The following EBF1 variants were observed in gnomAD, a reference collection of about 807,000 sequenced individuals.
The protein encoded by EBF1 is transcription factor COE1.
Under a neutral mutation model 68.4 loss-of-function variants are expected in EBF1, and 10 were observed. That is an observed-to-expected ratio of 0.15 (90% CI 0.09 to 0.25). The LOEUF (loss-of-function observed/expected upper bound fraction) is 0.25. EBF1 is among the 10% of genes least tolerant of loss of function. The probability of loss-of-function intolerance (pLI) is 1.00; values close to 1 mark genes in which losing one functional copy is unlikely to be tolerated. For synonymous variants in EBF1, 298 were observed against 299.8 expected (o/e 0.99, Z 0.06); for missense variants, 509 against 794.4 (o/e 0.64, Z 4.32).
rs1173600001 is a variant in EBF1 at position 158,900,135 on chromosome 5, G to A, written c.555-60025C>T. On this transcript the variant is annotated intron_variant, in intron 6 of 15. Coordinates refer to ENST00000313708, the MANE Select transcript of EBF1 (RefSeq NM_024007.5). ...CCTACCGCTGCAGGAAATTTTTCAC[G>A]TGAAGACATTTTGAACCAGAAGAAT... 6.6e-5 allele frequency among the ~76,000 whole-genome samples: 10 copies of A among 152,270 alleles called. No individual in the cohort carries two copies. The East Asian group carries it at 7.7e-4, about 12-fold the overall frequency.
chr5:158,702,533 AAGAC>A (rs1161942424), intron 15 of EBF1, among the ~76,000 whole-genome samples: 1 of 152,116 alleles, frequency 6.6e-6, no homozygotes, highest in African/African-American at 2.4e-5. Context: ...GATAAAAACA[AAGAC>A]AAAACAAAGT....
chr5:159,099,365 G>A lies in EBF1; in HGVS notation c.114C>T (p.Asp38=). The A allele has an allele frequency of 1.3e-6, 2 of 1,593,392 alleles. No homozygotes were observed. Among genetic ancestry groups the A allele is most frequent in the South Asian group, 1.1e-5 (1 of 89,550 alleles). ...CCCACCTCTGCGCCGCCGTGTTGGC[G>A]TCCAGCACCCCGGCGCCCTGCATCC... The part of the protein sequence containing the change: ...RTWMQGAGVL[D]ANTAAQSGVG... Residue 38 remains aspartate (D), a synonymous_variant, in exon 1 of 16, where the codon GAC becomes GAT. Coordinates refer to ENST00000313708, the MANE Select transcript of EBF1 (RefSeq NM_024007.5).
At chr5:158,850,334 A>G (rs1462839142) in intron 6 of EBF1, among the ~76,000 whole-genome samples, 1 of 152,152 alleles carries the variant, frequency 6.6e-6, no homozygotes. Flanking sequence ...TCCTTATTCA[A>G]TAAGTATTTA....
chr5:159,037,815 AAAG>A (rs1014360831), intron 6 of EBF1, among the ~76,000 whole-genome samples: 5 of 152,164 alleles, frequency 3.3e-5, no homozygotes, highest in Non-Finnish European at 7.4e-5. Context: ...ATAATAAAAA[AAAG>A]AAGATCAGCT....
At chr5:159,010,714 T>C (rs1764480673) in intron 6 of EBF1, among the ~76,000 whole-genome samples, 1 of 152,196 alleles carries the variant, frequency 6.6e-6, no homozygotes. Context: ...ACCATCTCAA[T>C]GTCAGCTCCA....
intron 6 of EBF1, among the ~76,000 whole-genome samples, chr5:158,913,757 G>C (rs1040290829): frequency 6.6e-6 from 1 of 152,190 alleles, no homozygotes; most frequent in African/African-American, 2.4e-5. Context: ...CGAGTTCGTG[G>C]AGGCTTTTCA....
intron 6 of EBF1, among the ~76,000 whole-genome samples, chr5:159,024,275 C>T (rs963693894): frequency 1.3e-5 from 2 of 152,142 alleles, no homozygotes; most frequent in African/African-American, 2.4e-5. Context: ...GAAACTTCAC[C>T]TTCAAAAACT....
intron 6 of EBF1, among the ~76,000 whole-genome samples, chr5:158,954,766 C>G: frequency 6.6e-6 from 1 of 152,158 alleles, no homozygotes; most frequent in East Asian, 1.9e-4. Context: ...GAGGCACTGC[C>G]TTTCTGGACA....
intron 6 of EBF1, among the ~76,000 whole-genome samples, chr5:159,060,250 G>T (rs1275017816): frequency 6.6e-6 from 1 of 152,108 alleles, no homozygotes; most frequent in East Asian, 1.9e-4. Flanking sequence ...CTCCCTGTGA[G>T]AATAAATTTT....
intron 6 of EBF1, among the ~76,000 whole-genome samples, chr5:159,048,659 C>T (rs1772933520): frequency 6.6e-6 from 1 of 152,210 alleles, no homozygotes. Context: ...CCTCTTCTCT[C>T]TCCCTCATTT....
At chr5:158,951,275 T>C (rs1386390960) in intron 6 of EBF1, among the ~76,000 whole-genome samples, 2 of 152,222 alleles carry the variant, frequency 1.3e-5, no homozygotes, top group African/African-American at 2.4e-5. Context: ...GGCTCTATTA[T>C]ATATTGCCAT....
chr5:158,897,172 G>A (rs1367516750), intron 6 of EBF1, among the ~76,000 whole-genome samples: 1 of 151,992 alleles, frequency 6.6e-6, no homozygotes, highest in Non-Finnish European at 1.5e-5. Flanking sequence ...CAACCCAAAT[G>A]CCCATCAGTG....
At chr5:158,884,732 T>C (rs1452426065) in intron 6 of EBF1, among the ~76,000 whole-genome samples, 1 of 152,210 alleles carries the variant, frequency 6.6e-6, no homozygotes, top group Non-Finnish European at 1.5e-5. Flanking sequence ...TGATCATCAT[T>C]ATTATACTAC....
chr5:158,876,023 G>A (rs1390481957), intron 6 of EBF1, among the ~76,000 whole-genome samples: 2 of 152,218 alleles, frequency 1.3e-5, no homozygotes, highest in Non-Finnish European at 2.9e-5. Flanking sequence ...TCTTAGCACA[G>A]GAAGGAACCT....
intron 10 of EBF1, among the ~76,000 whole-genome samples, chr5:158,733,027 C>T (rs1764432620): frequency 1.3e-5 from 2 of 152,138 alleles, no homozygotes; most frequent in Non-Finnish European, 1.5e-5. Context: ...ACTTTCTAAA[C>T]CCTTGAGAAG....
At chr5:159,070,606 A>G (rs187499192) in intron 6 of EBF1, among the ~76,000 whole-genome samples, 53 of 152,278 alleles carry the variant, frequency 3.5e-4, no homozygotes, top group African/African-American at 1.2e-3. Context: ...ACCACTGCTA[A>G]AAGTCTTTTG....
intron 15 of EBF1, among the ~76,000 whole-genome samples, chr5:158,706,259 G>A (rs1372020951): frequency 6.6e-6 from 1 of 151,710 alleles, no homozygotes; most frequent in Non-Finnish European, 1.5e-5. Flanking sequence ...GTGGGGAAGA[G>A]CGGCGTGCTC....
chr5:158,904,952 T>C (rs750298037), intron 6 of EBF1, among the ~76,000 whole-genome samples: 2 of 152,224 alleles, frequency 1.3e-5, no homozygotes, highest in African/African-American at 2.4e-5. Flanking sequence ...TAACATCTTC[T>C]AGAGCCAGCT....
chr5:158,887,944 A>G (rs1800376315), intron 6 of EBF1, among the ~76,000 whole-genome samples: 1 of 152,214 alleles, frequency 6.6e-6, no homozygotes, highest in Admixed American at 6.5e-5. Flanking sequence ...TTTTGCCTCA[A>G]TATGAATTGC....
Sources: gnomAD v4.1 joint callset for allele counts (sites outside exome capture counted in the v4.1 genomes callset) on GRCh38, gnomAD v4.1.1 for gene constraint, MANE v1.5 for transcripts, NCBI Gene and HGNC (gene_info 2026-07-23, HGNC 2026-07-21) for gene names.